NBEA: variants seen among roughly 807,000 people sequenced by gnomAD.
NBEA encodes the protein neurobeachin.
NBEA carries 44 observed loss-of-function variants against 343.4 expected under a neutral mutation model. The ratio of observed to expected loss-of-function variants is 0.13; its 90% CI spans 0.10 to 0.16. The LOEUF (loss-of-function observed/expected upper bound fraction) is 0.16. Ranked by LOEUF, NBEA falls within the 10% of genes least tolerant of loss-of-function variation. The probability of loss-of-function intolerance (pLI) is 1.00; values close to 1 mark genes in which losing one functional copy is unlikely to be tolerated. For missense variants in NBEA, 2,555 were observed against 3,631.3 expected (o/e 0.70, Z 7.62); for synonymous variants, 1,175 against 1,238.7 (o/e 0.95, Z 1.08).
At chr13:35,387,964 A>T (rs1053524615) in intron 38 of NBEA, among the ~76,000 whole-genome samples, 12 of 152,136 alleles carry the variant, frequency 7.9e-5, no homozygotes, top group Admixed American at 3.3e-4. Context: ...TCATCCTCTT[A>T]ATAGAGGAAA....
chr13:35,473,237 G>A (rs1031776), intron 41 of NBEA, among the ~76,000 whole-genome samples: 46,242 of 151,962 alleles, frequency 0.3, 7,600 homozygotes, highest in East Asian at 0.5. Context: ...TCTGAGATCT[G>A]TTCTAATGTT....
intron 1 of NBEA, among the ~76,000 whole-genome samples, chr13:34,982,902 T>G (rs555425590): frequency 3.3e-5 from 5 of 152,264 alleles, no homozygotes; most frequent in African/African-American, 1.2e-4. Flanking sequence ...ATTGTGGAAT[T>G]TTCTTTCTCC....
chr13:35,539,915 C>CAAAAA lies in NBEA; in HGVS notation c.6586-10539_6586-10535dup, dbSNP rs71081262. On this transcript the variant is annotated intron_variant, in intron 41 of 58. Coordinates refer to ENST00000379939, the MANE Select transcript of NBEA (RefSeq NM_001385012.1). ...TGGGCGACAGAGCAAGACTCCGTCT[C>CAAAAA]AAAAAAAAAAAAAAAAAAAAAAAAA... Among the ~76,000 whole-genome samples, 17 of 39,614 alleles carry CAAAAA rather than the reference C, an allele frequency of 4.3e-4. 2 individuals carry two copies. The highest frequency in any genetic ancestry group is 8.6e-4 in the African/African-American group (7 of 8,122). The allele number at this position is 39,614 out of a possible 152,430, so 26.0% of individuals were successfully genotyped here.
intron 10 of NBEA, among the ~76,000 whole-genome samples, chr13:35,082,441 G>A (rs2064464115): frequency 1.3e-5 from 2 of 152,180 alleles, no homozygotes; most frequent in South Asian, 4.1e-4. Context: ...CCAGTAATGG[G>A]ATGGCTGAGT....
intron 17 of NBEA, among the ~76,000 whole-genome samples, chr13:35,127,855 C>G (rs1487964722): frequency 6.6e-6 from 1 of 151,358 alleles, no homozygotes; most frequent in Non-Finnish European, 1.5e-5. Flanking sequence ...CCGTAAAGAT[C>G]AGTAAGCATA....
At chr13:35,175,865 G>A (rs1282725986) in intron 27 of NBEA, among the ~76,000 whole-genome samples, 1 of 152,032 alleles carries the variant, frequency 6.6e-6, no homozygotes. Context: ...TTTATACTGT[G>A]TGAAAAGGAA....
At position 35,171,400 on chromosome 13, in the gene NBEA, A is replaced by G. The variant is rs372307352; in HGVS notation, c.4371A>G (p.Glu1457=). The G allele has an allele frequency of 6.8e-6, 11 of 1,612,022 alleles. No individual in the cohort carries two copies. The highest frequency in any genetic ancestry group is 4.5e-5 in the East Asian group (2 of 44,832). The change falls in exon 26 of 59, where the codon GAA becomes GAG. Residue 1457 remains glutamate, a synonymous_variant. Coordinates refer to ENST00000379939, the MANE Select transcript of NBEA (RefSeq NM_001385012.1). The stretch of plus-strand genomic sequence containing the variant: ...GCTCTCTAAATTTTAGTGAGATTGA[A>G]GCTGAGAAAAACATGTCTTCTGGAG... The part of the protein sequence containing the change: ...FASSLNFSEI[E]AEKNMSSGGL...
At chr13:35,141,715 A>G (rs571698691) in intron 17 of NBEA, among the ~76,000 whole-genome samples, 1 of 152,316 alleles carries the variant, frequency 6.6e-6, no homozygotes, top group Non-Finnish European at 1.5e-5. Context: ...CATTAAGTAG[A>G]AAGATATTTT....
chr13:35,452,013 GCAAT>G (rs2046337057), intron 39 of NBEA, 75 bp from the exon 40 acceptor site: 3 of 963,812 alleles, frequency 3.1e-6, no homozygotes, highest in African/African-American at 3.3e-5. Context: ...ATTTAATAAA[GCAAT>G]CAATTATTTA....
chr13:35,260,049 T>A (rs1364774327), intron 34 of NBEA, among the ~76,000 whole-genome samples: 1 of 152,246 alleles, frequency 6.6e-6, no homozygotes, highest in Admixed American at 6.5e-5. Flanking sequence ...TTATCTTTAA[T>A]ATCTGTAACA....
intron 36 of NBEA, among the ~76,000 whole-genome samples, chr13:35,322,550 G>A (rs900140777): frequency 6.6e-6 from 1 of 152,192 alleles, no homozygotes; most frequent in Non-Finnish European, 1.5e-5. Context: ...GCTGCAGACT[G>A]GAGCTGTTCT....
intron 49 of NBEA, among the ~76,000 whole-genome samples, chr13:35,641,384 T>A (rs2083939389): frequency 1.3e-5 from 2 of 152,108 alleles, no homozygotes; most frequent in Non-Finnish European, 2.9e-5. Flanking sequence ...ACAAGAATCT[T>A]CTAAGCAACT....
intron 40 of NBEA, among the ~76,000 whole-genome samples, chr13:35,454,263 G>A (rs1371779217): frequency 1.3e-5 from 2 of 152,154 alleles, no homozygotes; most frequent in Non-Finnish European, 2.9e-5. Context: ...TGTAAATGCT[G>A]AAGCCTATTA....
At chr13:35,045,727 GTT>G (rs2062827183) in intron 4 of NBEA, among the ~76,000 whole-genome samples, 1 of 151,680 alleles carries the variant, frequency 6.6e-6, no homozygotes, top group Non-Finnish European at 1.5e-5. Context: ...GTTTTGTTTT[GTT>G]TTGTTTTGTT....
chr13:35,379,219 T>C (rs1460045908), intron 38 of NBEA, among the ~76,000 whole-genome samples: 1 of 152,168 alleles, frequency 6.6e-6, no homozygotes, highest in Non-Finnish European at 1.5e-5. Flanking sequence ...TTCTCTCCTA[T>C]ACTTTACATT....
intron 1 of NBEA, among the ~76,000 whole-genome samples, chr13:34,970,933 G>A (rs1237368232): frequency 2.0e-5 from 3 of 152,108 alleles, no homozygotes; most frequent in African/African-American, 4.8e-5. Context: ...AGTTTAATGC[G>A]AATAGCATTG....
intron 48 of NBEA, among the ~76,000 whole-genome samples, chr13:35,625,092 G>C (rs961818352): frequency 6.6e-6 from 1 of 152,052 alleles, no homozygotes; most frequent in African/African-American, 2.4e-5. Context: ...ATTAATTAAA[G>C]ATCAAAATAT....
chr13:35,367,188 CG>C (rs1316418170), intron 38 of NBEA, among the ~76,000 whole-genome samples: 2 of 150,578 alleles, frequency 1.3e-5, no homozygotes, highest in African/African-American at 4.9e-5. Flanking sequence ...CTGTAAAGAC[CG>C]TTATAAGCAT....
chr13:35,070,177 A>G (rs1211480219), intron 9 of NBEA, 72 bp downstream of exon 9: 5 of 1,294,956 alleles, frequency 3.9e-6, no homozygotes, highest in Admixed American at 6.9e-5. Context: ...TATATCAAAC[A>G]TTGCTCATCT....
Sources: gnomAD v4.1 joint callset for allele counts (sites outside exome capture counted in the v4.1 genomes callset) on GRCh38, gnomAD v4.1.1 for gene constraint, MANE v1.5 for transcripts, NCBI Gene and HGNC (gene_info 2026-07-23, HGNC 2026-07-21) for gene names.